The following ANK1 variants were observed in gnomAD, a reference collection of about 807,000 sequenced individuals.
ANK1 encodes ankyrin 1.
In ANK1, 51 loss-of-function variants were observed where a neutral mutation model predicts 210.4. That is an observed-to-expected ratio of 0.24 (90% CI 0.19 to 0.31). The LOEUF (loss-of-function observed/expected upper bound fraction) is 0.31, where lower values mean the gene tolerates loss of function less well. Among genes scored for constraint, ANK1 ranks in the 10% least tolerant of loss-of-function variants. The pLI is 1.00. For synonymous variants in ANK1, 967 were observed against 1,025.9 expected (o/e 0.94, Z 1.10); for missense variants, 2,051 against 2,504.4 (o/e 0.82, Z 3.86).
chr8:41,678,388 C>T (rs1814896507), intron 37 of ANK1, among the ~76,000 whole-genome samples: 1 of 152,176 alleles, frequency 6.6e-6, no homozygotes, highest in African/African-American at 2.4e-5. Flanking sequence ...GTGATCCGCC[C>T]ACCTGGGCCT....
intron 1 of ANK1, among the ~76,000 whole-genome samples, chr8:41,887,242 C>CTTTTTTT (rs35112522): frequency 6.2e-5 from 5 of 80,710 alleles, no homozygotes; most frequent in African/African-American, 1.7e-4. Context: ...CTTTCCTTTC[C>CTTTTTTT]TTTTTTTTTT....
chr8:41,725,016 T>G (rs1258050036), intron 6 of ANK1, among the ~76,000 whole-genome samples: 1 of 152,152 alleles, frequency 6.6e-6, no homozygotes, highest in Non-Finnish European at 1.5e-5. Flanking sequence ...AACACCATCA[T>G]GCCCAGCTAA....
intron 1 of ANK1, among the ~76,000 whole-genome samples, chr8:41,852,159 G>A: frequency 6.6e-6 from 1 of 152,212 alleles, no homozygotes; most frequent in East Asian, 1.9e-4. Flanking sequence ...AGCAAAGTTA[G>A]GGGTTCTGGG....
intron 1 of ANK1, among the ~76,000 whole-genome samples, chr8:41,758,509 C>CTT (rs113939102): frequency 1.4e-5 from 2 of 145,900 alleles, no homozygotes; most frequent in Non-Finnish European, 3.0e-5. Flanking sequence ...TTTTTTTAAA[C>CTT]TTTTTTTTTT....
rs148165519 is a variant in ANK1 at position 41,715,787 on chromosome 8, C to T, written c.1467G>A (p.Leu489=). The T allele has an allele frequency of 1.2e-4, 200 of 1,614,238 alleles. 2 individuals are homozygous for T. In the African/African-American group the frequency reaches 2.4e-3, roughly 19 times the overall value. Residue 489 remains leucine, a synonymous_variant, in exon 14 of 43, where the codon CTG becomes CTA. Transcript: ENST00000289734. ...GGTTGGGGTTGGCGTTATTTTCCAG[C>T]AGGAGCTTCACCATGTTTGTGTGGC... ...RIGHTNMVKL[L]LENNANPNLA...
intron 1 of ANK1, among the ~76,000 whole-genome samples, chr8:41,771,505 CT>C (rs1287533235): frequency 6.6e-6 from 1 of 152,220 alleles, no homozygotes; most frequent in Non-Finnish European, 1.5e-5. Context: ...GTGCTAAGAA[CT>C]TGCTAGTGAG....
At chr8:41,872,525 C>G (rs1433247114) in intron 1 of ANK1, among the ~76,000 whole-genome samples, 1 of 152,246 alleles carries the variant, frequency 6.6e-6, no homozygotes, top group Non-Finnish European at 1.5e-5. Context: ...AGCCACATTT[C>G]TGGAAGGTCA....
intron 2 of ANK1, among the ~76,000 whole-genome samples, chr8:41,751,581 C>T (rs1563663239): frequency 2.0e-5 from 3 of 152,146 alleles, no homozygotes; most frequent in South Asian, 2.1e-4. Context: ...TCCCAGGCTG[C>T]GTAAGGAGCC....
intron 3 of ANK1, among the ~76,000 whole-genome samples, chr8:41,731,384 C>A (rs1377868857): frequency 6.6e-6 from 1 of 152,080 alleles, no homozygotes; most frequent in African/African-American, 2.4e-5. Context: ...GGGAGAGGGA[C>A]CCCAAGTGAG....
In ANK1 at chr8:41,703,903, A is replaced by G; in HGVS notation, c.2295+138T>C. On this transcript the variant is annotated intron_variant, in intron 20 of 42. Transcript: ENST00000289734. The stretch of plus-strand genomic sequence containing the variant: ...CAGCACCCCATCCCCAGGGTACCCA[A>G]GGTAGCTGTGGCTTTAGGGTGCTGC... 5 of 759,390 alleles carry G rather than the reference A, an allele frequency of 6.6e-6. No individual in the cohort carries two copies. In the South Asian group the frequency reaches 7.2e-5, roughly 11 times the overall value. The allele number at this position is 759,390 out of a possible 1,614,324, so 47.0% of individuals were successfully genotyped here. A position where few individuals can be genotyped will look rare whatever the true frequency, so the allele number is the denominator to read the frequency against.
At chr8:41,735,604 C>T (rs544832585) in intron 2 of ANK1, among the ~76,000 whole-genome samples, 1 of 152,148 alleles carries the variant, frequency 6.6e-6, no homozygotes, top group Non-Finnish European at 1.5e-5. Flanking sequence ...CCCCACCCTG[C>T]GTTCCTCGAA....
At chr8:41,716,888 G>C in intron 13 of ANK1, 65 bp downstream of exon 13, 1 of 1,520,406 alleles carries the variant, frequency 6.6e-7, no homozygotes, top group South Asian at 1.1e-5. Flanking sequence ...ATGAGGATGG[G>C]TTCTCTGCAC....
At chr8:41,842,467 C>G (rs1377340131) in intron 1 of ANK1, among the ~76,000 whole-genome samples, 1 of 151,312 alleles carries the variant, frequency 6.6e-6, no homozygotes, top group African/African-American at 2.4e-5. Flanking sequence ...CCCTCCAGCC[C>G]AGGCAACAGA....
intron 42 of ANK1, among the ~76,000 whole-genome samples, chr8:41,659,217 C>A (rs1210500541): frequency 6.6e-6 from 1 of 152,212 alleles, no homozygotes; most frequent in Non-Finnish European, 1.5e-5. Context: ...CACTTCGCAC[C>A]AGACAGCACT....
At chr8:41,896,666 G>A (rs1820576275) in exon 1 of ANK1, 7 of 711,202 alleles carry the variant, frequency 9.8e-6, no homozygotes, top group Non-Finnish European at 1.3e-5. Context: ...CGGAGGGCGA[G>A]GGGCGGCTGC....
intron 39 of ANK1, among the ~76,000 whole-genome samples, chr8:41,666,143 G>A (rs1293085116): frequency 6.6e-6 from 1 of 152,218 alleles, no homozygotes. Flanking sequence ...CCTCATCTGT[G>A]AAGCACGGAT....
In ANK1 at chr8:41,763,673, C is replaced by A. The variant is rs1840974999; in HGVS notation, c.28-5536G>T. Among the ~76,000 whole-genome samples the A allele has an allele frequency of 2.6e-5, 4 of 151,964 alleles. 1 individual carries two copies. The South Asian group carries it at 6.2e-4, about 24-fold the overall frequency. On this transcript the variant is annotated intron_variant, in intron 1 of 42. Coordinates refer to ENST00000289734, the MANE Select transcript of ANK1 (RefSeq NM_000037.4). The stretch of plus-strand genomic sequence containing the variant: ...GCTAATCCATGGCAGAGGAAAAATG[C>A]TAGGAGGTCCCACTCAGGCTCTGTC...
chr8:41,874,750 T>C (rs559637824), intron 1 of ANK1, among the ~76,000 whole-genome samples: 1 of 152,350 alleles, frequency 6.6e-6, no homozygotes, highest in African/African-American at 2.4e-5. Context: ...CTGAGAATTG[T>C]GCTTTCTGGG....
chr8:41,813,567 T>C (rs1208594111), intron 1 of ANK1, among the ~76,000 whole-genome samples: 2 of 152,250 alleles, frequency 1.3e-5, no homozygotes, highest in African/African-American at 2.4e-5. Context: ...ACTTTAGTCT[T>C]CTGAAACTTG....
Sources: gnomAD v4.1 joint callset for allele counts (sites outside exome capture counted in the v4.1 genomes callset) on GRCh38, gnomAD v4.1.1 for gene constraint, MANE v1.5 for transcripts, NCBI Gene and HGNC (gene_info 2026-07-23, HGNC 2026-07-21) for gene names.